TSPAN2: variants seen among roughly 807,000 people sequenced by gnomAD.
The protein encoded by TSPAN2 is tetraspanin 2.
Under a neutral mutation model 33.3 loss-of-function variants are expected in TSPAN2, and 24 were observed. The observed-to-expected ratio is 0.72, with a 90% CI of 0.52 to 1.01. The LOEUF is 1.01. TSPAN2 is among the 50% of genes least tolerant of loss of function. TSPAN2 has a pLI of 0.00. For synonymous variants in TSPAN2, 114 were observed against 104.5 expected (o/e 1.09, Z -0.56); for missense variants, 278 against 281.3 (o/e 0.99, Z 0.08).
intron 5 of TSPAN2, among the ~76,000 whole-genome samples, chr1:115,057,892 C>T (rs1051708739): frequency 1.3e-5 from 2 of 152,220 alleles, no homozygotes; most frequent in Admixed American, 1.3e-4. Context: ...TAAATTGCTA[C>T]TTTTTAGAAA....
At chr1:115,052,486 C>T (rs999884297) in intron 7 of TSPAN2, among the ~76,000 whole-genome samples, 1 of 152,196 alleles carries the variant, frequency 6.6e-6, no homozygotes, top group Non-Finnish European at 1.5e-5. Context: ...CTATCCTCTA[C>T]CACAGGTTCT....
intron 7 of TSPAN2, among the ~76,000 whole-genome samples, chr1:115,051,484 A>G (rs992316139): frequency 5.3e-5 from 8 of 152,190 alleles, no homozygotes; most frequent in Non-Finnish European, 8.8e-5. Flanking sequence ...AGTGAAATCA[A>G]TATCCACTTC....
At chr1:115,056,778 C>CT (rs1352326435) in intron 6 of TSPAN2, among the ~76,000 whole-genome samples, 4 of 152,096 alleles carry the variant, frequency 2.6e-5, no homozygotes, top group African/African-American at 9.7e-5. Flanking sequence ...TGAGTAGGAA[C>CT]TTTTTCTCCT....
At chr1:115,054,384 T>C (rs937308828) in intron 6 of TSPAN2, among the ~76,000 whole-genome samples, 7 of 152,172 alleles carry the variant, frequency 4.6e-5, no homozygotes, top group African/African-American at 1.7e-4. Flanking sequence ...AGAGGGGTGG[T>C]AGATGCAGAG....
At chr1:115,058,626 C>G (rs1429665478) in intron 5 of TSPAN2, among the ~76,000 whole-genome samples, 1 of 152,172 alleles carries the variant, frequency 6.6e-6, no homozygotes, top group Non-Finnish European at 1.5e-5. Context: ...CTTGTTTGTG[C>G]TCTTTTGTCT....
intron 1 of TSPAN2, among the ~76,000 whole-genome samples, chr1:115,075,070 G>A (rs1251807858): frequency 6.6e-6 from 1 of 152,140 alleles, no homozygotes; most frequent in Non-Finnish European, 1.5e-5. Context: ...ACTGGTCCCA[G>A]GGACACCCCA....
At chr1:115,055,462 T>G (rs1230003221) in intron 6 of TSPAN2, among the ~76,000 whole-genome samples, 1 of 152,158 alleles carries the variant, frequency 6.6e-6, no homozygotes, top group Non-Finnish European at 1.5e-5. Context: ...TTTTTAAACT[T>G]AATATTACAA....
intron 6 of TSPAN2, among the ~76,000 whole-genome samples, chr1:115,054,510 G>A (rs943946795): frequency 6.6e-6 from 1 of 152,224 alleles, no homozygotes; most frequent in African/African-American, 2.4e-5. Flanking sequence ...CTTCTAAGGA[G>A]TGGCTCCCTT....
intron 1 of TSPAN2, among the ~76,000 whole-genome samples, chr1:115,079,830 GCT>G (rs1470365456): frequency 6.6e-6 from 1 of 152,144 alleles, no homozygotes; most frequent in Non-Finnish European, 1.5e-5. Context: ...CTAAGAAAAA[GCT>G]CACAGTAAGA....
chr1:115,069,925 T>C (rs977819593), intron 2 of TSPAN2, among the ~76,000 whole-genome samples: 1 of 152,214 alleles, frequency 6.6e-6, no homozygotes, highest in African/African-American at 2.4e-5. Context: ...AAATATGACA[T>C]GAAGGAGAGC....
chr1:115,060,607 GT>G, intron 3 of TSPAN2, 69 bp from the exon 4 acceptor site: 1 of 1,223,886 alleles, frequency 8.2e-7, no homozygotes. Flanking sequence ...TTGCACCTTA[GT>G]TTCCTTATGT....
intron 7 of TSPAN2, among the ~76,000 whole-genome samples, chr1:115,051,282 G>A (rs1255685033): frequency 6.6e-6 from 1 of 151,924 alleles, no homozygotes; most frequent in African/African-American, 2.4e-5. Flanking sequence ...TCACTCCCTG[G>A]TGACAGAGAC....
rs557809793 is a variant in TSPAN2, at chr1:115,053,138, A to G, written c.600+241T>C. Among the ~76,000 whole-genome samples, 5 of 152,368 alleles carry G rather than the reference A, an allele frequency of 3.3e-5. No individual in the cohort carries two copies. In the East Asian group the frequency reaches 9.6e-4, roughly 29 times the overall value. On this transcript the variant is annotated intron_variant, in intron 7 of 7. Transcript: ENST00000369516. Reference sequence around the variant, plus strand: ...ATAGTAGCCTTAAAACGGGAAGTTAATAACAATGACACACTCAAGGTCATA... The same window carrying G: ...ATAGTAGCCTTAAAACGGGAAGTTAGTAACAATGACACACTCAAGGTCATA...
chr1:115,054,267 T>C (rs982168574), intron 6 of TSPAN2, among the ~76,000 whole-genome samples: 2 of 152,226 alleles, frequency 1.3e-5, no homozygotes, highest in African/African-American at 4.8e-5. Context: ...GTTCCTTTGA[T>C]ACCATCTGAG....
chr1:115,078,148 C>G (rs557471003), intron 1 of TSPAN2, among the ~76,000 whole-genome samples: 1 of 152,206 alleles, frequency 6.6e-6, no homozygotes, highest in Non-Finnish European at 1.5e-5. Flanking sequence ...TCCGCCTCCC[C>G]CTAGCTGACA....
At chr1:115,083,467 A>G (rs1648707624) in intron 1 of TSPAN2, among the ~76,000 whole-genome samples, 1 of 152,198 alleles carries the variant, frequency 6.6e-6, no homozygotes, top group African/African-American at 2.4e-5. Context: ...TAAGCCAAGA[A>G]GCAGGGCACA....
At chr1:115,054,038 A>C (rs1389591515) in intron 6 of TSPAN2, among the ~76,000 whole-genome samples, 3 of 152,138 alleles carry the variant, frequency 2.0e-5, no homozygotes, top group Admixed American at 6.6e-5. Context: ...GTGAGTTCCT[A>C]TCCTTTCATC....
intron 1 of TSPAN2, among the ~76,000 whole-genome samples, chr1:115,083,863 C>A (rs537455382): frequency 6.6e-6 from 1 of 152,292 alleles, no homozygotes; most frequent in African/African-American, 2.4e-5. Context: ...AGGACACAGT[C>A]CCTGCCCTCA....
intron 3 of TSPAN2, 40 bp from the exon 4 acceptor site, chr1:115,060,578 C>G: frequency 6.6e-7 from 1 of 1,511,252 alleles, no homozygotes; most frequent in Non-Finnish European, 9.1e-7. Context: ...TAATTTAATA[C>G]CTTTTCAATT....
Sources: gnomAD v4.1 joint callset for allele counts (sites outside exome capture counted in the v4.1 genomes callset) on GRCh38, gnomAD v4.1.1 for gene constraint, MANE v1.5 for transcripts, NCBI Gene and HGNC (gene_info 2026-07-23, HGNC 2026-07-21) for gene names.